SEMA4C: variants seen among roughly 807,000 people sequenced by gnomAD.
The protein encoded by SEMA4C is semaphorin 4C.
SEMA4C carries 19 observed loss-of-function variants against 89.0 expected under a neutral mutation model. That is an observed-to-expected ratio of 0.21 (90% CI 0.15 to 0.31). The LOEUF (loss-of-function observed/expected upper bound fraction) is 0.31, where lower values mean the gene tolerates loss of function less well. SEMA4C is among the 10% of genes least tolerant of loss of function. The probability of loss-of-function intolerance (pLI) is 1.00; values close to 1 mark genes in which losing one functional copy is unlikely to be tolerated. For missense variants in SEMA4C, 811 were observed against 1,107.0 expected (o/e 0.73, Z 3.79); for synonymous variants, 428 against 472.7 (o/e 0.91, Z 1.23).
In SEMA4C at chr2:96,869,679, C is replaced by T. The variant is rs183739624; in HGVS notation, c.-38+197G>A. On this transcript the variant is annotated intron_variant, in intron 1 of 14. Coordinates refer to ENST00000305476, the MANE Select transcript of SEMA4C (RefSeq NM_017789.5). ...CTGCGGGGCTGCAGGTGCTGTGCGC[C>T]CCACTCCCGAGACCCTGCGAAGCAG... 6.5e-4 allele frequency: 643 copies of T among 985,180 alleles called. 17 individuals carry two copies. In the East Asian group the frequency reaches 0.036, roughly 55 times the overall value. 61.0% of individuals were successfully genotyped at this position (985,180 alleles called of 1,614,324 possible). A position where few individuals can be genotyped will look rare whatever the true frequency, so the allele number is the denominator to read the frequency against.
At chr2:96,870,582 C>T (rs898398645), upstream of SEMA4C, 1 of 985,352 alleles carries the variant, frequency 1.0e-6, no homozygotes, top group African/African-American at 1.7e-5. Context: ...CTTTCTAGGC[C>T]CCGAGGACCA....
chr2:96,863,330 C>T (rs1287790722), intron 12 of SEMA4C: 2 of 1,053,214 alleles, frequency 1.9e-6, no homozygotes, highest in South Asian at 3.6e-5. Context: ...CATCTCACAG[C>T]CTGGGAGGTC....
Position 96,865,744 on chromosome 2 carries a change from G to A in SEMA4C, c.342C>T (p.Ile114=), listed in dbSNP as rs1409165576. 6.2e-7 allele frequency: 1 copy of A among 1,614,156 alleles called. No homozygotes were observed. Among genetic ancestry groups the A allele is most frequent in the Admixed American group, 1.7e-5 (1 of 60,014 alleles). Reference sequence around the variant, plus strand: ...AGGCATTGTAGGGCTGCAGGAAGCGGATGAAGTTGAAGCACTCGGTCTGGG... The same window carrying A: ...AGGCATTGTAGGGCTGCAGGAAGCGAATGAAGTTGAAGCACTCGGTCTGGG... The part of the protein sequence containing the change: ...KNNQTECFNF[I]RFLQPYNASH... The change falls in exon 5 of 15, where the codon ATC becomes ATT. Residue 114 remains isoleucine, a synonymous_variant. Transcript: ENST00000305476.
chr2:96,869,375 T>A, intron 1 of SEMA4C: 1 of 981,526 alleles, frequency 1.0e-6, no homozygotes, highest in Non-Finnish European at 1.2e-6. Context: ...ACCGCGGCCC[T>A]CCCTGCAGGG....
chr2:96,864,825 G>A lies in SEMA4C; in HGVS notation c.842C>T (p.Ala281Val). The change falls in exon 9 of 15, where the codon GCG becomes GTG. Residue 281 changes from alanine to valine, a missense_variant. By Grantham distance (64) the Ala-to-Val change is moderately conservative. Around this residue, in one of 4 missense-constraint regions of SEMA4C, gnomAD observed 441 missense variants for 664.9 expected, o/e 0.66. Coordinates refer to ENST00000305476, the MANE Select transcript of SEMA4C (RefSeq NM_017789.5). This position sits in a 1 kb window ranked among gnomAD's most constrained non-coding sequence, Gnocchi z 6.3. ...GTTCGGGGCAGAGCATGCCAGCCGC[G>A]CCTTCAGGAACGTGGTCCACTTCCT... is the stretch of plus-strand genomic sequence containing the variant. ...LQRKWTTFLKARLACSAPNWQ... is the reference protein window; with the variant it reads ...LQRKWTTFLKVRLACSAPNWQ... The A allele has an allele frequency of 1.9e-6, 3 of 1,613,882 alleles. No individual in the cohort carries two copies. Among genetic ancestry groups the A allele is most frequent in the Non-Finnish European group, 2.5e-6 (3 of 1,180,004 alleles).
rs1278582198 is a variant in SEMA4C, at chr2:96,861,935, C to A, written c.1444-41G>T. The A allele has an allele frequency of 1.9e-6, 3 of 1,566,760 alleles. No individual in the cohort carries two copies. The highest frequency in any genetic ancestry group is 1.2e-5 in the South Asian group (1 of 86,682). ...GGCGCAGGAGGGGGGTCGGCCAGGG[C>A]CACACCACGGGAGGGGCGGCCGGAC... On this transcript the variant is annotated intron_variant, in intron 12 of 14. Transcript: ENST00000305476. This position sits in a 1 kb window ranked among gnomAD's most constrained non-coding sequence, Gnocchi z 7.8.
In SEMA4C at chr2:96,867,880, G is replaced by A; in HGVS notation, c.7C>T (p.Pro3Ser). The A allele has an allele frequency of 6.2e-7, 1 of 1,613,542 alleles. No individual in the cohort carries two copies. The highest frequency in any genetic ancestry group is 8.5e-7 in the Non-Finnish European group (1 of 1,180,020). Residue 3 changes from proline to serine, a missense_variant, in exon 2 of 15, where the codon CCA becomes TCA. Physicochemically the swap from Pro to Ser is moderately conservative, Grantham distance 74 (BLOSUM62 -1). Around this residue, in one of 4 missense-constraint regions of SEMA4C, gnomAD observed 119 missense variants for 152.7 expected, o/e 0.78. Transcript: ENST00000305476. ...GCCAGCAGCCAGACAGCCCAGTGTGGGGCCATGGCGCACGCCCCGGCTCTG... is the reference window on the plus strand; with the variant it reads ...GCCAGCAGCCAGACAGCCCAGTGTGAGGCCATGGCGCACGCCCCGGCTCTG... MA[P>S]HWAVWLLAAR...
In SEMA4C at chr2:96,861,563, G is replaced by C. The variant is rs774668174; in HGVS notation, c.1672+16C>G. On this transcript the variant is annotated intron_variant, in intron 14 of 14. Transcript: ENST00000305476. This position sits in a 1 kb window ranked among gnomAD's most constrained non-coding sequence, Gnocchi z 7.8. Reference sequence around the variant, plus strand: ...TCCAGGGCTCAGCCCGATGCGACGGGAATGAAAAAGCTCACCTTTCTTACT... The same window carrying C: ...TCCAGGGCTCAGCCCGATGCGACGGCAATGAAAAAGCTCACCTTTCTTACT... The C allele has an allele frequency of 6.3e-7, 1 of 1,596,696 alleles. No homozygotes were observed. The highest frequency in any genetic ancestry group is 1.3e-5 in the African/African-American group (1 of 74,322).
At chr2:96,869,512 A>G in intron 1 of SEMA4C, 1 of 985,154 alleles carries the variant, frequency 1.0e-6, no homozygotes, top group South Asian at 4.7e-5. Flanking sequence ...CGATCCCACA[A>G]CATCGGCCTC....
At position 96,860,658 on chromosome 2, in the gene SEMA4C, G is replaced by C; in HGVS notation, c.2470C>G (p.Pro824Ala). ...RRKLQQRQPL[P>A]DSNPEESSV Reference sequence around the variant, plus strand: ...GATGACTCCTCGGGGTTGGAGTCGGGCAGTGGCTGGCGTTGCTGCAGTTTG... The same window carrying C: ...GATGACTCCTCGGGGTTGGAGTCGGCCAGTGGCTGGCGTTGCTGCAGTTTG... The change falls in exon 15 of 15, where the codon CCC (proline) becomes GCC (alanine). Residue 824 changes from proline to alanine, a missense_variant. Coordinates refer to ENST00000305476, the MANE Select transcript of SEMA4C (RefSeq NM_017789.5). 6.2e-7 allele frequency: 1 copy of C among 1,612,160 alleles called. No individual in the cohort carries two copies. Among genetic ancestry groups the C allele is most frequent in the Non-Finnish European group, 8.5e-7 (1 of 1,179,212 alleles).
chr2:96,866,467 C>G, intron 2 of SEMA4C, 36 bp from the exon 3 acceptor site: 1 of 1,613,526 alleles, frequency 6.2e-7, no homozygotes, highest in Non-Finnish European at 8.5e-7. Context: ...TGGGCAGGAC[C>G]CCTGGGGCTC....
chr2:96,865,790 G>T, intron 4 of SEMA4C, 26 bp from the exon 5 acceptor site: 1 of 1,613,880 alleles, frequency 6.2e-7, no homozygotes, highest in Admixed American at 1.7e-5. Flanking sequence ...TGTCCGGTTA[G>T]TGAGAGCGCG....
intron 11 of SEMA4C, 29 bp from the exon 12 acceptor site, chr2:96,863,823 T>A (rs1225791340): frequency 6.2e-7 from 1 of 1,609,962 alleles, no homozygotes; most frequent in South Asian, 1.1e-5. Flanking sequence ...AAGGTGTAAA[T>A]GAGAGGGCAC....
intron 12 of SEMA4C, 37 bp downstream of exon 12, chr2:96,863,645 T>C (rs1473012343): frequency 6.4e-7 from 1 of 1,568,322 alleles, no homozygotes; most frequent in East Asian, 2.2e-5. Context: ...GATGGGATAG[T>C]GCTGGGGACA....
chr2:96,869,598 G>T, intron 1 of SEMA4C: 1 of 985,296 alleles, frequency 1.0e-6, no homozygotes, highest in Non-Finnish European at 1.2e-6. Flanking sequence ...GAGGATCCCG[G>T]CCGCGGACCG....
rs1218242074 is a variant in SEMA4C at position 96,860,743 on chromosome 2, T to C, written c.2385A>G (p.Gly795=). Residue 795 remains glycine, a synonymous_variant, in exon 15 of 15, where the codon GGA becomes GGG. Transcript: ENST00000305476. ...NANGYVRLQL[G]GEDRGGLGHP... ...GCCCGAGCCCTCCCCGGTCCTCCCC[T>C]CCTAGTTGTAAGCGCACGTAACCAT... is the stretch of plus-strand genomic sequence containing the variant. 6.2e-7 allele frequency: 1 copy of C among 1,613,632 alleles called. No homozygotes were observed. Among genetic ancestry groups the C allele is most frequent in the Admixed American group, 1.7e-5 (1 of 59,988 alleles).
intron 1 of SEMA4C, chr2:96,868,891 A>C: frequency 3.0e-6 from 3 of 985,310 alleles, no homozygotes; most frequent in Non-Finnish European, 3.6e-6. Context: ...TGGGCGGGCC[A>C]GCGGGATTGG....
Position 96,864,830 on chromosome 2 carries a change from C to G in SEMA4C, c.837G>C (p.Leu279=), listed in dbSNP as rs2080032188. ...RTLQRKWTTF[L]KARLACSAPN... ...GGGCAGAGCATGCCAGCCGCGCCTTCAGGAACGTGGTCCACTTCCTCTGCA... is the reference window on the plus strand; with the variant it reads ...GGGCAGAGCATGCCAGCCGCGCCTTGAGGAACGTGGTCCACTTCCTCTGCA... Residue 279 remains leucine (L), a synonymous_variant, in exon 9 of 15, where the codon CTG becomes CTC. Transcript: ENST00000305476. The surrounding 1 kb of genome is among the most constrained non-coding windows in gnomAD (Gnocchi z 6.3). 4 of 1,613,758 alleles carry G rather than the reference C, an allele frequency of 2.5e-6. No homozygotes were observed. The highest frequency in any genetic ancestry group is 3.4e-6 in the Non-Finnish European group (4 of 1,180,014).
upstream of SEMA4C, chr2:96,870,516 G>A (rs780377247): frequency 1.1e-5 from 11 of 982,056 alleles, no homozygotes; most frequent in Admixed American, 6.1e-5. Flanking sequence ...TGGGGGAACC[G>A]AGGCGTCTTT....
Sources: allele counts gnomAD v4.1 joint callset, GRCh38; gene constraint gnomAD v4.1.1; regional missense constraint gnomAD v4.1.1; non-coding constraint Gnocchi (gnomAD v3.1); transcripts MANE v1.5; gene names NCBI Gene and HGNC (gene_info 2026-07-23, HGNC 2026-07-21).